Variants in ZFHX3 observed in about 807,000 individuals in gnomAD.
ZFHX3 encodes zinc finger homeobox 3, also known as zinc finger homeobox protein 3.
Under a neutral mutation model 279.1 loss-of-function variants are expected in ZFHX3, and 42 were observed. That is an observed-to-expected ratio of 0.15 (90% CI 0.12 to 0.19). The LOEUF is 0.19. Among genes scored for constraint, ZFHX3 ranks in the 10% least tolerant of loss-of-function variants. The probability of loss-of-function intolerance (pLI) is 1.00; values close to 1 mark genes in which losing one functional copy is unlikely to be tolerated. For synonymous variants in ZFHX3, 2,293 were observed against 1,957.8 expected (o/e 1.17, Z -4.52); for missense variants, 4,981 against 4,754.0 (o/e 1.05, Z -1.40).
chr16:73,843,138 A>G (rs1961354967), intron 1 of ZFHX3, among the ~76,000 whole-genome samples: 1 of 152,208 alleles, frequency 6.6e-6, no homozygotes, highest in Non-Finnish European at 1.5e-5. Context: ...AATTGTTTGC[A>G]AGACTGCAGA....
At chr16:73,483,056 C>T (rs1284051893) in intron 2 of ZFHX3, among the ~76,000 whole-genome samples, 3 of 152,206 alleles carry the variant, frequency 2.0e-5, no homozygotes, top group Non-Finnish European at 4.4e-5. Flanking sequence ...GCTCCCTCTT[C>T]CCCCTCCATG....
Position 72,811,912 on chromosome 16 carries a change from G to A in ZFHX3, c.3656C>T (p.Pro1219Leu), listed in dbSNP as rs776155336. 17 of 1,612,292 alleles carry A rather than the reference G, an allele frequency of 1.1e-5. No homozygotes were observed. The highest frequency in any genetic ancestry group is 2.2e-5 in the East Asian group (1 of 44,762). ...AGTCCCTTCCAGCCTCACCTGCTCC[G>A]GTTTGATCTCCTCAGCTGTTTTTGG... ...KRPKTAEEIK[P>L]EQMYQCPYCK... Residue 1219 changes from proline (P) to leucine (L), a missense_variant, in exon 6 of 10, where the codon CCG (proline) becomes CTG (leucine). Physicochemically the swap from Pro to Leu is moderately conservative, Grantham distance 98. Transcript: ENST00000268489.
chr16:73,058,771 C>G, exon 1 of ZFHX3: 1 of 152,976 alleles, frequency 6.5e-6, no homozygotes, highest in Non-Finnish European at 1.4e-5. Context: ...GAGGCGGCCG[C>G]AGCCGGGGAG....
intron 1 of ZFHX3, among the ~76,000 whole-genome samples, chr16:73,761,239 T>A (rs1376315516): frequency 1.3e-5 from 2 of 150,764 alleles, no homozygotes; most frequent in African/African-American, 4.9e-5. Flanking sequence ...TCATAATTGC[T>A]ACAAAAAAAA....
At chr16:73,375,132 T>TCC (rs1020887037) in intron 3 of ZFHX3, among the ~76,000 whole-genome samples, 1 of 152,198 alleles carries the variant, frequency 6.6e-6, no homozygotes, top group African/African-American at 2.4e-5. Context: ...GCATGAATTT[T>TCC]CCCCCCATTT....
chr16:72,945,810 C>T (rs948446827), intron 3 of ZFHX3, among the ~76,000 whole-genome samples: 2 of 152,028 alleles, frequency 1.3e-5, no homozygotes, highest in African/African-American at 2.4e-5. Flanking sequence ...AGGAAGGGGA[C>T]GGTCCCCAAA....
chr16:73,595,347 T>A, intron 2 of ZFHX3, among the ~76,000 whole-genome samples: 1 of 152,234 alleles, frequency 6.6e-6, no homozygotes, highest in South Asian at 2.1e-4. Flanking sequence ...GCTTGCTTGC[T>A]AAATCCAATG....
chr16:73,809,299 G>A (rs1960366543), intron 1 of ZFHX3: 1 of 152,208 alleles, frequency 6.6e-6, no homozygotes, highest in Non-Finnish European at 1.5e-5. Flanking sequence ...GCAGCATACG[G>A]TGACACTGTA....
At chr16:73,047,164 G>C (rs901576895) in intron 1 of ZFHX3, among the ~76,000 whole-genome samples, 2 of 152,134 alleles carry the variant, frequency 1.3e-5, no homozygotes, top group Non-Finnish European at 2.9e-5. Flanking sequence ...CTAAACATAG[G>C]CATTCCTCCT....
chr16:72,871,278 C>T (rs973984095), intron 4 of ZFHX3, among the ~76,000 whole-genome samples: 59 of 152,026 alleles, frequency 3.9e-4, no homozygotes, highest in Admixed American at 6.5e-4. Flanking sequence ...CAGGTTCAAG[C>T]GATTCTCCTG....
chr16:73,610,434 A>G (rs1278834657), intron 2 of ZFHX3, among the ~76,000 whole-genome samples: 1 of 152,180 alleles, frequency 6.6e-6, no homozygotes, highest in African/African-American at 2.4e-5. Flanking sequence ...CTATACAGAA[A>G]CACTGTGCAT....
chr16:73,799,858 C>G (rs1343348630), intron 1 of ZFHX3, among the ~76,000 whole-genome samples: 2 of 151,808 alleles, frequency 1.3e-5, no homozygotes, highest in African/African-American at 4.8e-5. Context: ...CTTTCATTAC[C>G]AAACACGCAC....
chr16:73,662,161 T>G (rs1462489541), intron 2 of ZFHX3, among the ~76,000 whole-genome samples: 1 of 152,184 alleles, frequency 6.6e-6, no homozygotes, highest in East Asian at 1.9e-4. Context: ...AACCCTGATA[T>G]TACAAGGTGA....
chr16:73,207,019 A>AAAATAAAT (rs71156149), intron 5 of ZFHX3, among the ~76,000 whole-genome samples: 9 of 145,730 alleles, frequency 6.2e-5, no homozygotes, highest in East Asian at 6.0e-4. Flanking sequence ...ATCCATCTCA[A>AAAATAAAT]AAATAAATAA....
chr16:73,129,712 GTA>G (rs1393074627), intron 7 of ZFHX3, among the ~76,000 whole-genome samples: 13 of 128,296 alleles, frequency 1.0e-4, no homozygotes, highest in Middle Eastern at 4.4e-3. Context: ...GTGTGCATGT[GTA>G]TGTGTGTGTG....
chr16:73,252,194 A>C (rs923916514), intron 5 of ZFHX3, among the ~76,000 whole-genome samples: 11 of 152,216 alleles, frequency 7.2e-5, no homozygotes, highest in Admixed American at 5.2e-4. Flanking sequence ...GGATTTCAAC[A>C]CAAAAGGGAC....
chr16:73,670,601 C>T (rs2052895261), intron 2 of ZFHX3, among the ~76,000 whole-genome samples: 1 of 152,040 alleles, frequency 6.6e-6, no homozygotes, highest in Non-Finnish European at 1.5e-5. Context: ...AGAGCAAAGA[C>T]CATTATTTGA....
chr16:73,601,449 G>A (rs922041350), intron 2 of ZFHX3, among the ~76,000 whole-genome samples: 4 of 145,130 alleles, frequency 2.8e-5, no homozygotes, highest in Non-Finnish European at 4.5e-5. Context: ...CAGCCTGGGC[G>A]ACAGACTGAG....
chr16:73,453,229 T>C (rs1174466809), intron 3 of ZFHX3, among the ~76,000 whole-genome samples: 2 of 152,246 alleles, frequency 1.3e-5, no homozygotes, highest in East Asian at 3.9e-4. Context: ...GTGTGATTTG[T>C]TGTTTCCAAA....
Sources: allele counts gnomAD v4.1 joint callset (sites outside exome capture counted in the v4.1 genomes callset), GRCh38; gene constraint gnomAD v4.1.1; transcripts MANE v1.5; gene names NCBI Gene and HGNC (gene_info 2026-07-23, HGNC 2026-07-21).